Variants in MRPL22 observed in about 807,000 individuals in gnomAD.
The protein encoded by MRPL22 is mitochondrial ribosomal protein L22, also known as large ribosomal subunit protein uL22m.
A neutral mutation model predicts 32.4 loss-of-function variants in MRPL22; 27 were observed. The observed-to-expected ratio is 0.83, with a 90% CI of 0.61 to 1.15. The LOEUF (loss-of-function observed/expected upper bound fraction) is 1.15, where lower values mean the gene tolerates loss of function less well. MRPL22 is among the 50% of genes most tolerant of loss of function. The pLI is 0.00. For synonymous variants in MRPL22, 86 were observed against 87.3 expected (o/e 0.99, Z 0.08); for missense variants, 239 against 260.2 (o/e 0.92, Z 0.56).
At chr5:154,941,542 T>A (rs1393625275) in intron 2 of MRPL22, among the ~76,000 whole-genome samples, 1 of 152,192 alleles carries the variant, frequency 6.6e-6, no homozygotes, top group African/African-American at 2.4e-5. Flanking sequence ...CTATTCCATC[T>A]CCATATGGAA....
At chr5:154,949,930 T>A (rs1219125214) in intron 2 of MRPL22, among the ~76,000 whole-genome samples, 1 of 152,196 alleles carries the variant, frequency 6.6e-6, no homozygotes, top group African/African-American at 2.4e-5. Context: ...ACTCTGTACC[T>A]CTGCATAGAT....
intron 3 of MRPL22, chr5:154,955,383 A>G (rs575347959): frequency 1.3e-5 from 2 of 152,330 alleles, no homozygotes; most frequent in South Asian, 4.1e-4. Context: ...AGTTTTCCAT[A>G]ACACATGTTT....
At position 154,951,010 on chromosome 5, in the gene MRPL22, AT is replaced by A. The variant is rs1764553388; in HGVS notation, c.195+74del. The A allele has an allele frequency of 7.0e-6, 7 of 1,000,168 alleles. No homozygotes were observed. The East Asian group carries it at 1.7e-4, about 24-fold the overall frequency. 62.0% of individuals were successfully genotyped at this position (1,000,168 alleles called of 1,614,324 possible). A position where few individuals can be genotyped will look rare whatever the true frequency, so the allele number is the denominator to read the frequency against. On this transcript the variant is annotated intron_variant, in intron 3 of 6. Transcript: ENST00000523037. ...ACTCTTAAGTGATTAGTAATGATTT[AT>A]TATTCTGTGTTAAAAAAATTATACA...
At chr5:154,955,079 C>T (rs534005942) in intron 3 of MRPL22, 2 of 152,296 alleles carry the variant, frequency 1.3e-5, no homozygotes, top group African/African-American at 4.8e-5. Flanking sequence ...CAGGCTGAGC[C>T]ACTGCTCCCG....
rs3805445 is a variant in MRPL22 at position 154,965,136 on chromosome 5, C to G, written c.410-1550C>G. Among the ~76,000 whole-genome samples the G allele has an allele frequency of 2.2e-4, 34 of 152,232 alleles. No homozygotes were observed. The East Asian group carries it at 6.2e-3, about 28-fold the overall frequency. ...ATTCTTGGCTTTCTCTTTGGCAAAGCTAGGAAGCTTCTGCTGAAACCCACT... is the reference window on the plus strand; with the variant it reads ...ATTCTTGGCTTTCTCTTTGGCAAAGGTAGGAAGCTTCTGCTGAAACCCACT... On this transcript the variant is annotated intron_variant, in intron 6 of 6. Coordinates refer to ENST00000523037, the MANE Select transcript of MRPL22 (RefSeq NM_014180.4).
Position 154,967,473 on chromosome 5 carries a change from T to C in MRPL22, c.*576T>C, listed in dbSNP as rs1764784784. On this transcript the variant is annotated 3_prime_UTR_variant, in exon 7 of 7. Coordinates refer to ENST00000523037, the MANE Select transcript of MRPL22 (RefSeq NM_014180.4). This position sits in a 1 kb window ranked among gnomAD's most constrained non-coding sequence, Gnocchi z 4.7. ...CTAAAACTCCAAAAACCTTTAACTT[T>C]GAAAATTTTCTTTTGGTTAAGCAAA... 1 of 152,332 alleles carries C rather than the reference T, an allele frequency of 6.6e-6. No homozygotes were observed. The highest frequency in any genetic ancestry group is 1.5e-5 in the Non-Finnish European group (1 of 68,116). 9.4% of individuals were successfully genotyped at this position (152,332 alleles called of 1,614,324 possible).
chr5:154,946,322 C>G (rs930610646), intron 2 of MRPL22, among the ~76,000 whole-genome samples: 5 of 152,082 alleles, frequency 3.3e-5, no homozygotes, highest in African/African-American at 9.6e-5. Flanking sequence ...AAACCAAGGT[C>G]CAAAGAGGTG....
rs113963431 is a variant in MRPL22, at chr5:154,960,064, A to G, written c.409+15A>G. ...TTTATATATAGGTAAGATTTTTAAT[A>G]TTCTTAGCATTAGAAAATGTCTTCA... On this transcript the variant is annotated intron_variant, in intron 6 of 6. Transcript: ENST00000523037. The G allele has an allele frequency of 2.3e-4, 354 of 1,551,054 alleles. 7 individuals are homozygous for G. In the African/African-American group the frequency reaches 3.7e-3, roughly 16 times the overall value.
intron 2 of MRPL22, 133 bp downstream of exon 2, chr5:154,941,398 T>C: frequency 9.1e-7 from 1 of 1,102,606 alleles, no homozygotes; most frequent in Non-Finnish European, 1.3e-6. Flanking sequence ...ACAGCCCGAG[T>C]CTCTGCTTTG....
intron 2 of MRPL22, among the ~76,000 whole-genome samples, 177 bp downstream of exon 2, chr5:154,941,442 C>G (rs962582298): frequency 6.6e-6 from 1 of 152,180 alleles, no homozygotes; most frequent in Non-Finnish European, 1.5e-5. Context: ...ATTGCATAAA[C>G]TGTACAGGGA....
At chr5:154,946,600 G>C (rs952328686) in intron 2 of MRPL22, among the ~76,000 whole-genome samples, 10 of 152,012 alleles carry the variant, frequency 6.6e-5, no homozygotes, top group Non-Finnish European at 1.5e-4. Context: ...GATCACCTGA[G>C]GTCAGGAGTT....
chr5:154,956,616 C>A (rs1043921632), intron 4 of MRPL22, 180 bp downstream of exon 4: 16 of 553,930 alleles, frequency 2.9e-5, no homozygotes, highest in Middle Eastern at 5.8e-4. Flanking sequence ...TAATTTTCAC[C>A]TTTTTCTGAG....
rs1332284199 is a variant in MRPL22, at chr5:154,950,832, A to G, written c.89A>G (p.Gln30Arg). Reference protein sequence around the residue: ...RGKLALGVLPQSYIHTSASLD... With the variant: ...RGKLALGVLPRSYIHTSASLD... ...CTTTCATTTCACAGTGTTTTACCTC[A>G]ATCATATATCCACACAAGTGCTTCT... Residue 30 changes from glutamine to arginine, a missense_variant, in exon 3 of 7, where the codon CAA becomes CGA. Transcript: ENST00000523037. 1.2e-6 allele frequency: 2 copies of G among 1,607,936 alleles called. No individual in the cohort carries two copies. Among genetic ancestry groups the G allele is most frequent in the South Asian group, 2.2e-5 (2 of 90,914 alleles).
intron 2 of MRPL22, among the ~76,000 whole-genome samples, chr5:154,948,974 G>C (rs1194553388): frequency 6.6e-6 from 1 of 152,114 alleles, no homozygotes; most frequent in Non-Finnish European, 1.5e-5. Context: ...ATTAATGCTT[G>C]GCTTGTCCCA....
At chr5:154,959,900 G>A in intron 5 of MRPL22, 80 bp from the exon 6 acceptor site, 1 of 923,812 alleles carries the variant, frequency 1.1e-6, no homozygotes. Context: ...TCATAGTACA[G>A]AGATAATGAG....
At chr5:154,957,009 T>TCC in intron 4 of MRPL22, 126 bp from the exon 5 acceptor site, 1 of 816,990 alleles carries the variant, frequency 1.2e-6, no homozygotes, top group Non-Finnish European at 1.9e-6. Context: ...TGTTTTCTTC[T>TCC]CTTTTATTTG....
intron 2 of MRPL22, among the ~76,000 whole-genome samples, chr5:154,941,643 A>G (rs1314980887): frequency 6.6e-6 from 1 of 152,180 alleles, no homozygotes; most frequent in African/African-American, 2.4e-5. Flanking sequence ...CGTACCTGAC[A>G]TTGTGTTTAG....
chr5:154,968,593 A>G lies in MRPL22; in HGVS notation c.*1696A>G, dbSNP rs1764804087. ...ATCAGAAGCTTTGGTGTGGGAGACC[A>G]TGGAACCTGCAGTTTTAATAAATGC... On this transcript the variant is annotated 3_prime_UTR_variant, in exon 7 of 7. Transcript: ENST00000523037. 6.6e-6 allele frequency: 1 copy of G among 152,238 alleles called. No homozygotes were observed. Among genetic ancestry groups the G allele is most frequent in the Admixed American group, 6.5e-5 (1 of 15,286 alleles). 9.4% of individuals were successfully genotyped at this position (152,238 alleles called of 1,614,324 possible). A position where few individuals can be genotyped will look rare whatever the true frequency, so the allele number is the denominator to read the frequency against.
At chr5:154,943,616 A>G (rs1341083152) in intron 2 of MRPL22, among the ~76,000 whole-genome samples, 2 of 151,270 alleles carry the variant, frequency 1.3e-5, no homozygotes, top group East Asian at 3.9e-4. Context: ...ATATACACAT[A>G]TATATACATA....
Sources: gnomAD v4.1 joint callset for allele counts (sites outside exome capture counted in the v4.1 genomes callset) on GRCh38, gnomAD v4.1.1 for gene constraint, Gnocchi (gnomAD v3.1) non-coding constraint, MANE v1.5 for transcripts, NCBI Gene and HGNC (gene_info 2026-07-23, HGNC 2026-07-21) for gene names.